Variants in MAF observed in about 807,000 individuals in gnomAD.
MAF encodes the protein transcription factor Maf.
A neutral mutation model predicts 22.0 loss-of-function variants in MAF; 10 were observed. That is an observed-to-expected ratio of 0.45 (90% CI 0.28 to 0.77). The LOEUF (loss-of-function observed/expected upper bound fraction) is 0.77. MAF is among the 30% of genes least tolerant of loss of function. The pLI is 0.12. For synonymous variants in MAF, 337 were observed against 255.8 expected (o/e 1.32, Z -3.03); for missense variants, 544 against 548.4 (o/e 0.99, Z 0.08).
At chr16:79,497,394 T>C in the MAF span, among the ~76,000 whole-genome samples, 2 of 152,310 alleles carry the variant, frequency 1.3e-5, no homozygotes, top group East Asian at 1.9e-4. Flanking sequence ...ACCCGCCTGC[T>C]TCCTCTGCCC....
the MAF span, among the ~76,000 whole-genome samples, chr16:79,496,293 C>T: frequency 2.0e-5 from 3 of 152,112 alleles, no homozygotes; most frequent in Non-Finnish European, 2.9e-5. Flanking sequence ...GGAAAAGGGT[C>T]ATTTCGGAAG....
At chr16:79,280,925 T>G in the MAF span, among the ~76,000 whole-genome samples, 1 of 152,152 alleles carries the variant, frequency 6.6e-6, no homozygotes, top group African/African-American at 2.4e-5. Flanking sequence ...CTTGATCCAT[T>G]GTCAAAGCAG....
the MAF span, among the ~76,000 whole-genome samples, chr16:79,398,155 C>T: frequency 6.6e-6 from 1 of 152,080 alleles, no homozygotes; most frequent in African/African-American, 2.4e-5. Flanking sequence ...CTTGCTCCAT[C>T]TTCAAATCAA....
the MAF span, among the ~76,000 whole-genome samples, chr16:79,435,840 G>T: frequency 2.0e-5 from 3 of 152,186 alleles, no homozygotes; most frequent in African/African-American, 4.8e-5. Flanking sequence ...TCGAACAAAG[G>T]CTTTTTCTCC....
chr16:79,263,744 G>A, the MAF span, among the ~76,000 whole-genome samples: 4 of 152,198 alleles, frequency 2.6e-5, no homozygotes, highest in Non-Finnish European at 2.9e-5. Flanking sequence ...GGAGATTCAT[G>A]AGAGTTCATT....
the MAF span, among the ~76,000 whole-genome samples, chr16:79,573,813 T>G: frequency 6.6e-6 from 1 of 152,208 alleles, no homozygotes; most frequent in Non-Finnish European, 1.5e-5. Flanking sequence ...TCTGCAAAAG[T>G]GACAAGGAAA....
chr16:79,239,322 G>C, the MAF span, among the ~76,000 whole-genome samples: 1 of 152,042 alleles, frequency 6.6e-6, no homozygotes, highest in Non-Finnish European at 1.5e-5. Flanking sequence ...GGTTTGCTCA[G>C]AAGTGAGGAG....
At chr16:79,550,535 C>T in the MAF span, among the ~76,000 whole-genome samples, 3 of 152,154 alleles carry the variant, frequency 2.0e-5, no homozygotes, top group African/African-American at 7.2e-5. Flanking sequence ...AGATGCTCTT[C>T]AGACTACAAC....
At chr16:79,381,833 G>A in the MAF span, among the ~76,000 whole-genome samples, 1 of 152,204 alleles carries the variant, frequency 6.6e-6, no homozygotes, top group Non-Finnish European at 1.5e-5. Context: ...CCACAGAGTG[G>A]ATATGCTGTG....
At chr16:79,203,632 C>G in the MAF span, 5 of 151,972 alleles carry the variant, frequency 3.3e-5, no homozygotes, top group Non-Finnish European at 7.3e-5. Flanking sequence ...ATCCTCCCTG[C>G]TCACAAAACA....
At chr16:79,241,533 TG>T in the MAF span, among the ~76,000 whole-genome samples, 1 of 151,840 alleles carries the variant, frequency 6.6e-6, no homozygotes, top group Non-Finnish European at 1.5e-5. Flanking sequence ...CCAAGAAATA[TG>T]GGACTATGTG....
chr16:79,377,965 G>A, the MAF span, among the ~76,000 whole-genome samples: 6 of 152,236 alleles, frequency 3.9e-5, 1 homozygote, highest in African/African-American at 1.4e-4. Context: ...GTAGCATGAT[G>A]CCTCCAGCTT....
chr16:79,366,561 A>T, the MAF span, among the ~76,000 whole-genome samples: 5 of 152,216 alleles, frequency 3.3e-5, no homozygotes, highest in Non-Finnish European at 7.3e-5. Context: ...CATCCCTTGC[A>T]GTTAGGTGTA....
chr16:79,325,516 G>C, the MAF span, among the ~76,000 whole-genome samples: 1 of 151,956 alleles, frequency 6.6e-6, no homozygotes, highest in Non-Finnish European at 1.5e-5. Context: ...ATTTGAATGT[G>C]GATGGGCTGT....
the MAF span, among the ~76,000 whole-genome samples, chr16:79,438,839 G>A: frequency 2.0e-5 from 3 of 152,116 alleles, no homozygotes; most frequent in East Asian, 5.8e-4. Context: ...TTTCAAGCAC[G>A]TATTCCATGT....
At chr16:79,333,971 C>A in the MAF span, among the ~76,000 whole-genome samples, 3 of 152,246 alleles carry the variant, frequency 2.0e-5, no homozygotes, top group Non-Finnish European at 2.9e-5. Flanking sequence ...GGAAACCTAT[C>A]TGAGAGCTTT....
At chr16:79,490,670 C>T in the MAF span, among the ~76,000 whole-genome samples, 2 of 152,116 alleles carry the variant, frequency 1.3e-5, no homozygotes, top group African/African-American at 4.8e-5. Flanking sequence ...AAATGTATGC[C>T]AGACTGTTAC....
At chr16:79,346,086 G>T in the MAF span, among the ~76,000 whole-genome samples, 1 of 151,794 alleles carries the variant, frequency 6.6e-6, no homozygotes, top group African/African-American at 2.4e-5. Flanking sequence ...GTGCAGGTTT[G>T]TTACATATGT....
the MAF span, among the ~76,000 whole-genome samples, chr16:79,522,807 C>G: frequency 6.6e-6 from 1 of 152,174 alleles, no homozygotes; most frequent in South Asian, 2.1e-4. Flanking sequence ...AAGGATTAAA[C>G]ATTTAATGGA....
Sources: allele counts gnomAD v4.1 joint callset (sites outside exome capture counted in the v4.1 genomes callset), GRCh38; gene constraint gnomAD v4.1.1; transcripts MANE v1.5; gene names NCBI Gene and HGNC (gene_info 2026-07-23, HGNC 2026-07-21).